REPS2: variants seen among roughly 807,000 people sequenced by gnomAD.
REPS2 encodes RALBP1 associated Eps domain containing 2.
In REPS2, 23 loss-of-function variants were observed where a neutral mutation model predicts 53.6. The ratio of observed to expected loss-of-function variants is 0.43; its 90% CI spans 0.31 to 0.61. REPS2 has a LOEUF of 0.61. REPS2 is among the 20% of genes least tolerant of loss of function. The pLI, the probability that REPS2 is intolerant of heterozygous loss-of-function variation, is 0.11. For synonymous variants in REPS2, 238 were observed against 218.6 expected (o/e 1.09, Z -0.78); for missense variants, 446 against 534.9 (o/e 0.83, Z 1.64).
At chrX:17,050,198 T>TTC (rs1555926872) in intron 6 of REPS2, among the ~76,000 whole-genome samples, 3 of 22,962 alleles carry the variant, frequency 1.3e-4, no homozygotes, top group Non-Finnish European at 1.4e-4. Flanking sequence ...TTCTTTCTTT[T>TTC]TTTTTTTTTT....
intron 5 of REPS2, among the ~76,000 whole-genome samples, chrX:17,043,570 G>T (rs1231242305): frequency 1.8e-5 from 2 of 109,915 alleles, no homozygotes; most frequent in African/African-American, 6.6e-5. Context: ...CTTGGTTCTG[G>T]CGCCCTCATA....
At chrX:17,119,729 A>G (rs1000675856) in intron 14 of REPS2, among the ~76,000 whole-genome samples, 3 of 111,479 alleles carry the variant, frequency 2.7e-5, no homozygotes, top group African/African-American at 9.8e-5. Flanking sequence ...GGTTGTAAGC[A>G]ATAAACTGGT....
At chrX:17,027,910 A>G (rs2061667153) in intron 4 of REPS2, among the ~76,000 whole-genome samples, 1 of 111,086 alleles carries the variant, frequency 9.0e-6, no homozygotes, top group Non-Finnish European at 1.9e-5. Flanking sequence ...TTACTGATAT[A>G]GCTGATCAGA....
At chrX:17,054,689 G>A in intron 7 of REPS2, 119 bp from the exon 8 acceptor site, 1 of 743,570 alleles carries the variant, frequency 1.3e-6, no homozygotes, top group Admixed American at 3.0e-5. Flanking sequence ...TGGCTAGGAG[G>A]GTTTGGGTAT....
chrX:17,187,834 C>T, the REPS2 span, among the ~76,000 whole-genome samples: 2 of 112,417 alleles, frequency 1.8e-5, no homozygotes, highest in East Asian at 5.6e-4. Flanking sequence ...AAGATTTTCT[C>T]AAAATTGACT....
chrX:17,024,937 T>C lies in REPS2; in HGVS notation c.547-122T>C, dbSNP rs1262941632. 1.2e-5 allele frequency: 12 copies of C among 968,512 alleles called. No individual in the cohort carries two copies. The East Asian group carries it at 3.7e-4, about 30-fold the overall frequency. 79.8% of individuals were successfully genotyped at this position (968,512 alleles called of 1,213,427 possible). A position where few individuals can be genotyped will look rare whatever the true frequency, so the allele number is the denominator to read the frequency against. ...ACCATGCTGCATTTTTGAGAAAACA[T>C]TTCCCCCCATTTGTTAAACCAGCTG... On this transcript the variant is annotated intron_variant, in intron 3 of 17. Coordinates refer to ENST00000357277, the MANE Select transcript of REPS2 (RefSeq NM_004726.3).
At chrX:17,186,239 T>C in the REPS2 span, among the ~76,000 whole-genome samples, 1 of 112,553 alleles carries the variant, frequency 8.9e-6, no homozygotes, top group East Asian at 2.8e-4. Context: ...CTGAAGGTGC[T>C]AACAGTGGAC....
At chrX:17,069,889 T>C in intron 10 of REPS2, 51 bp from the exon 11 acceptor site, 1 of 802,371 alleles carries the variant, frequency 1.2e-6, no homozygotes, top group East Asian at 3.6e-5. Flanking sequence ...TAGTTTTAAT[T>C]TTTTTTCCTC....
rs1569178984 is a variant in REPS2, at chrX:17,103,796, A to G, written c.1578+17A>G. 2 of 1,195,807 alleles carry G rather than the reference A, an allele frequency of 1.7e-6. No individual in the cohort carries two copies. The highest frequency in any genetic ancestry group is 2.3e-6 in the Non-Finnish European group (2 of 881,566). The stretch of plus-strand genomic sequence containing the variant: ...CCATCACAGGTAGGAGACATATTTG[A>G]TTTATGTAAACTGTTCGGTGGTAGG... On this transcript the variant is annotated intron_variant, in intron 14 of 17. Transcript: ENST00000357277.
intron 1 of REPS2, among the ~76,000 whole-genome samples, chrX:16,979,915 A>G (rs1462772036): frequency 1.8e-5 from 2 of 111,060 alleles, no homozygotes; most frequent in African/African-American, 6.6e-5. Context: ...ATTTTGACCA[A>G]CCATGGATAT....
At chrX:17,067,109 T>C (rs369311685) in intron 9 of REPS2, among the ~76,000 whole-genome samples, 3 of 112,246 alleles carry the variant, frequency 2.7e-5, no homozygotes, top group South Asian at 7.4e-4. Flanking sequence ...AATTTGTGAC[T>C]ATGTTTTAAA....
intron 2 of REPS2, among the ~76,000 whole-genome samples, chrX:17,012,522 A>G (rs2061442460): frequency 9.0e-6 from 1 of 111,600 alleles, no homozygotes; most frequent in African/African-American, 3.3e-5. Flanking sequence ...TTTCAGTTAT[A>G]GTAGGGAAAA....
At chrX:17,023,129 A>G (rs1189512521) in intron 3 of REPS2, among the ~76,000 whole-genome samples, 4 of 112,781 alleles carry the variant, frequency 3.5e-5, no homozygotes, top group Non-Finnish European at 7.5e-5. Context: ...AAAGAAATTT[A>G]TTATAGGAAC....
At chrX:17,063,923 T>TACACACACACACACAC (rs3842475) in intron 9 of REPS2, among the ~76,000 whole-genome samples, 1 of 100,312 alleles carries the variant, frequency 1.0e-5, no homozygotes, top group Admixed American at 1.1e-4. Context: ...GTTTTACTGT[T>TACACACACACACACAC]ACACACACAC....
intron 1 of REPS2, among the ~76,000 whole-genome samples, chrX:16,953,971 T>C: frequency 9.0e-6 from 1 of 111,406 alleles, no homozygotes; most frequent in Middle Eastern, 4.7e-3. Flanking sequence ...TTTATTTTTT[T>C]GAGACAGGGT....
chrX:17,027,071 G>A (rs2061654667), intron 4 of REPS2, among the ~76,000 whole-genome samples: 1 of 112,114 alleles, frequency 8.9e-6, no homozygotes, highest in African/African-American at 3.2e-5. Context: ...TGGGATTACA[G>A]GTGTGAGCCA....
chrX:17,079,230 C>T (rs934019012), intron 13 of REPS2, among the ~76,000 whole-genome samples: 5 of 111,758 alleles, frequency 4.5e-5, no homozygotes, highest in Non-Finnish European at 9.4e-5. Context: ...GCCCACAGGC[C>T]TTAGTAAGCA....
At chrX:17,096,530 G>A (rs1226005295) in intron 13 of REPS2, among the ~76,000 whole-genome samples, 2 of 102,352 alleles carry the variant, frequency 2.0e-5, no homozygotes, top group African/African-American at 7.1e-5. Context: ...CGTAGTGGCG[G>A]GCGCCTGTCG....
chrX:17,164,945 G>C, the REPS2 span, among the ~76,000 whole-genome samples: 3 of 111,364 alleles, frequency 2.7e-5, no homozygotes, highest in African/African-American at 9.8e-5. Context: ...TGGTGTTTTT[G>C]AAACAGTTAT....
Sources: gnomAD v4.1 joint callset for allele counts (sites outside exome capture counted in the v4.1 genomes callset) on GRCh38, gnomAD v4.1.1 for gene constraint, MANE v1.5 for transcripts, NCBI Gene and HGNC (gene_info 2026-07-23, HGNC 2026-07-21) for gene names.